The following RPS6KA5 variants were observed in gnomAD, a reference collection of about 807,000 sequenced individuals.
RPS6KA5 encodes the protein ribosomal protein S6 kinase alpha-5.
A neutral mutation model predicts 85.5 loss-of-function variants in RPS6KA5; 27 were observed. The observed-to-expected ratio is 0.32, with a 90% confidence interval of 0.23 to 0.44. RPS6KA5 has a LOEUF of 0.44. Among genes scored for constraint, RPS6KA5 ranks in the 20% least tolerant of loss-of-function variants. The probability of loss-of-function intolerance (pLI) is 1.00; values close to 1 mark genes in which losing one functional copy is unlikely to be tolerated. For missense variants in RPS6KA5, 811 were observed against 980.9 expected (o/e 0.83, Z 2.31); for synonymous variants, 334 against 348.2 (o/e 0.96, Z 0.46).
intron 2 of RPS6KA5, among the ~76,000 whole-genome samples, chr14:90,980,809 C>T (rs548811145): frequency 6.6e-6 from 1 of 152,208 alleles, no homozygotes; most frequent in Non-Finnish European, 1.5e-5. Flanking sequence ...GGACCCAGTG[C>T]TCCCTCTTCC....
At chr14:90,919,229 C>T (rs187700666) in intron 7 of RPS6KA5, among the ~76,000 whole-genome samples, 36 of 152,274 alleles carry the variant, frequency 2.4e-4, no homozygotes, top group Admixed American at 1.6e-3. Context: ...CTGGGTTTTG[C>T]GGCCTGGAAA....
At chr14:90,945,094 A>T (rs1286115) in intron 4 of RPS6KA5, among the ~76,000 whole-genome samples, 97,594 of 151,456 alleles carry the variant, frequency 0.64, 32,751 homozygotes, top group East Asian at 0.87. Flanking sequence ...TCTACAAAAA[A>T]TACAAAAATT....
intron 1 of RPS6KA5, among the ~76,000 whole-genome samples, chr14:91,017,188 A>G (rs947114381): frequency 2.6e-5 from 4 of 152,192 alleles, no homozygotes; most frequent in African/African-American, 9.7e-5. Flanking sequence ...GTCTCGATAT[A>G]TGGCATCATT....
rs376770842 is a variant in RPS6KA5, at chr14:90,875,302, G to A, written c.1895C>T (p.Thr632Ile). ...FQSHDRSLTCTSAVEIMKKIK... is the reference protein window; with the variant it reads ...FQSHDRSLTCISAVEIMKKIK... ...TTTCTTCATGATTTCCACCGCGCTG[G>A]TACACGTCAAACTTCGGTCATGAGA... Residue 632 changes from threonine to isoleucine, a missense_variant, in exon 15 of 17, where the codon ACC becomes ATC. Around this residue, in one of 3 missense-constraint regions of RPS6KA5, gnomAD observed 650 missense variants for 793.4 expected, o/e 0.82. Transcript: ENST00000614987. The A allele has an allele frequency of 2.5e-6, 4 of 1,613,812 alleles. No homozygotes were observed. The highest frequency in any genetic ancestry group is 3.4e-6 in the Non-Finnish European group (4 of 1,179,874).
At chr14:90,887,095 C>T (rs1416672050) in intron 14 of RPS6KA5, among the ~76,000 whole-genome samples, 1 of 152,090 alleles carries the variant, frequency 6.6e-6, no homozygotes, top group Non-Finnish European at 1.5e-5. Context: ...GAAAAGTTAG[C>T]AAAGCACTCT....
intron 2 of RPS6KA5, among the ~76,000 whole-genome samples, chr14:90,985,461 C>T (rs2040018179): frequency 6.6e-6 from 1 of 152,190 alleles, no homozygotes; most frequent in African/African-American, 2.4e-5. Flanking sequence ...TTGTGCTCAA[C>T]TTGGACATGC....
chr14:90,996,883 T>G (rs2040546865), intron 2 of RPS6KA5, among the ~76,000 whole-genome samples: 1 of 152,210 alleles, frequency 6.6e-6, no homozygotes, highest in South Asian at 2.1e-4. Context: ...TTTGAGAAAC[T>G]GCTATGCATA....
chr14:90,913,149 G>C (rs889741876), intron 7 of RPS6KA5, among the ~76,000 whole-genome samples: 1 of 151,850 alleles, frequency 6.6e-6, no homozygotes, highest in Non-Finnish European at 1.5e-5. Flanking sequence ...GACCTCAAGT[G>C]ATCCACCCTC....
chr14:91,003,407 G>C (rs1358995982), intron 1 of RPS6KA5, among the ~76,000 whole-genome samples: 1 of 152,150 alleles, frequency 6.6e-6, no homozygotes, highest in Non-Finnish European at 1.5e-5. Flanking sequence ...ATAGTACCCA[G>C]GAAACCCTAG....
intron 5 of RPS6KA5, among the ~76,000 whole-genome samples, chr14:90,934,110 A>T (rs1189144472): frequency 6.6e-6 from 1 of 152,052 alleles, no homozygotes. Context: ...AGAAATACTT[A>T]TTTCTTATTG....
intron 14 of RPS6KA5, among the ~76,000 whole-genome samples, chr14:90,884,281 G>C (rs1168386659): frequency 1.3e-5 from 2 of 152,180 alleles, no homozygotes; most frequent in African/African-American, 2.4e-5. Flanking sequence ...GGTGGCTGCT[G>C]TAAGTTGAGC....
chr14:90,982,808 G>T (rs374556390), intron 2 of RPS6KA5, among the ~76,000 whole-genome samples: 1 of 151,470 alleles, frequency 6.6e-6, no homozygotes, highest in Non-Finnish European at 1.5e-5. Context: ...GTGAAACCCC[G>T]TCTCTACTAA....
At chr14:90,909,973 G>A (rs1394085756) in intron 7 of RPS6KA5, among the ~76,000 whole-genome samples, 3 of 151,772 alleles carry the variant, frequency 2.0e-5, no homozygotes, top group South Asian at 2.1e-4. Flanking sequence ...ATGGGGTTTC[G>A]CCATATTGGC....
At chr14:90,900,567 A>G in intron 10 of RPS6KA5, 44 bp downstream of exon 10, 1 of 1,583,316 alleles carries the variant, frequency 6.3e-7, no homozygotes, top group African/African-American at 1.4e-5. Context: ...TTAAACACTC[A>G]CAAAACCTAC....
rs2032442638 is a variant in RPS6KA5 at position 90,859,575 on chromosome 14, G to C, written c.*12499C>G. 1 of 152,092 alleles carries C rather than the reference G, an allele frequency of 6.6e-6. No individual in the cohort carries two copies. The highest frequency in any genetic ancestry group is 1.5e-5 in the Non-Finnish European group (1 of 68,030). 9.4% of individuals were successfully genotyped at this position (152,092 alleles called of 1,614,324 possible). ...ATACAACTAAATTTAAAATTGATTAGGCTCAGCAGAACAGGATAAGTTAAT... is the reference window on the plus strand; with the variant it reads ...ATACAACTAAATTTAAAATTGATTACGCTCAGCAGAACAGGATAAGTTAAT... On this transcript the variant is annotated 3_prime_UTR_variant, in exon 17 of 17. Coordinates refer to ENST00000614987, the MANE Select transcript of RPS6KA5 (RefSeq NM_004755.4).
intron 1 of RPS6KA5, among the ~76,000 whole-genome samples, chr14:91,018,249 T>C (rs545908913): frequency 6.6e-6 from 1 of 152,244 alleles, no homozygotes; most frequent in Non-Finnish European, 1.5e-5. Flanking sequence ...AATATTTCCT[T>C]ATTTTGTTTA....
chr14:90,951,013 G>A (rs2038146484), intron 3 of RPS6KA5, among the ~76,000 whole-genome samples: 1 of 151,398 alleles, frequency 6.6e-6, no homozygotes, highest in Non-Finnish European at 1.5e-5. Flanking sequence ...CCAGCTACTC[G>A]GGAGGCTGAG....
chr14:91,058,238 G>C (rs1022603616), intron 1 of RPS6KA5, among the ~76,000 whole-genome samples: 2 of 152,144 alleles, frequency 1.3e-5, no homozygotes, highest in African/African-American at 4.8e-5. Context: ...ATGATTGTTC[G>C]TTTCCTTTGA....
At chr14:90,902,596 T>C (rs1318918085) in intron 9 of RPS6KA5, among the ~76,000 whole-genome samples, 1 of 152,230 alleles carries the variant, frequency 6.6e-6, no homozygotes, top group Non-Finnish European at 1.5e-5. Context: ...AAACTTCCCT[T>C]ATATCAAAAA....
Sources: allele counts gnomAD v4.1 joint callset (sites outside exome capture counted in the v4.1 genomes callset), GRCh38; gene constraint gnomAD v4.1.1; regional missense constraint gnomAD v4.1.1; transcripts MANE v1.5; gene names NCBI Gene and HGNC (gene_info 2026-07-23, HGNC 2026-07-21).